The following ZNF451 variants were observed in gnomAD, a reference collection of about 807,000 sequenced individuals.
ZNF451 encodes zinc finger protein 451, also known as E3 SUMO-protein ligase ZNF451.
Under a neutral mutation model 107.1 loss-of-function variants are expected in ZNF451, and 80 were observed. The observed-to-expected ratio is 0.75, with a 90% CI of 0.62 to 0.90. ZNF451 has a LOEUF of 0.90. ZNF451 is among the 40% of genes least tolerant of loss of function. ZNF451 has a pLI of 0.00. For missense variants in ZNF451, 1,107 were observed against 1,236.2 expected, an observed-to-expected ratio of 0.90 and a Z score of 1.57; for synonymous variants, 362 against 406.5, an observed-to-expected ratio of 0.89 and a Z score of 1.32.
At chr6:57,108,815 C>T (rs1829987906) in intron 3 of ZNF451, 3 of 985,274 alleles carry the variant, frequency 3.0e-6, no homozygotes, top group South Asian at 4.7e-5. Flanking sequence ...TTGCAAGGCA[C>T]TCTTGAGAGA....
At chr6:57,121,611 A>G (rs546206342) in intron 3 of ZNF451, among the ~76,000 whole-genome samples, 1 of 152,324 alleles carries the variant, frequency 6.6e-6, no homozygotes, top group South Asian at 2.1e-4. Context: ...AACCAAATGT[A>G]GAATACAACC....
At chr6:57,138,694 G>A (rs1173945319) in intron 7 of ZNF451, among the ~76,000 whole-genome samples, 1 of 118,186 alleles carries the variant, frequency 8.5e-6, no homozygotes, top group Non-Finnish European at 1.7e-5. Flanking sequence ...GAATGTATTT[G>A]CAGCTATGCC....
At chr6:57,153,367 G>A (rs980048948) in intron 12 of ZNF451, among the ~76,000 whole-genome samples, 10 of 150,894 alleles carry the variant, frequency 6.6e-5, no homozygotes, top group African/African-American at 2.4e-4. Flanking sequence ...TTGATTAAAT[G>A]TGGGGTATTT....
rs1463930298 is a variant in ZNF451, at chr6:57,147,695, A to G, written c.1610A>G (p.Lys537Arg). The change falls in exon 10 of 15, where the codon AAA becomes AGA. Residue 537 changes from lysine (K) to arginine (R), a missense_variant. Physicochemically the swap from Lys to Arg is conservative, Grantham distance 26. Transcript: ENST00000370706. ...NNFLFWCRTC[K>R]KELTRKDTIM... ...TTTCTTTTCTGGTGTCGGACATGCA[A>G]AAAGGAGTTAACAAGGAAAGATACT... is the stretch of plus-strand genomic sequence containing the variant. 6.2e-7 allele frequency: 1 copy of G among 1,614,100 alleles called. No homozygotes were observed. Among genetic ancestry groups the G allele is most frequent in the South Asian group, 1.1e-5 (1 of 91,074 alleles).
chr6:57,105,695 G>A, intron 3 of ZNF451: 2 of 985,318 alleles, frequency 2.0e-6, no homozygotes, highest in Non-Finnish European at 2.4e-6. Flanking sequence ...CTATAGATAT[G>A]CTCTAGGTTT....
intron 10 of ZNF451, 172 bp from the exon 11 acceptor site, chr6:57,150,547 T>C: frequency 3.9e-6 from 2 of 515,948 alleles, no homozygotes; most frequent in Non-Finnish European, 6.4e-6. Flanking sequence ...CTGATTTAAG[T>C]GTAAATGGTG....
chr6:57,106,894 CTT>C, intron 3 of ZNF451: 1 of 954,772 alleles, frequency 1.0e-6, no homozygotes, highest in Non-Finnish European at 1.2e-6. Context: ...GAATGCAAAT[CTT>C]TTTATTATTT....
chr6:57,105,312 A>G (rs964031606), intron 3 of ZNF451: 3 of 981,942 alleles, frequency 3.1e-6, no homozygotes, highest in Admixed American at 6.1e-5. Flanking sequence ...TAGATATACA[A>G]TGTATATAGA....
chr6:57,129,390 A>G (rs1831078047), intron 5 of ZNF451, among the ~76,000 whole-genome samples: 1 of 152,176 alleles, frequency 6.6e-6, no homozygotes, highest in Non-Finnish European at 1.5e-5. Flanking sequence ...AATTTGGTGG[A>G]ATTTTTAAGA....
At position 57,141,341 on chromosome 6, in the gene ZNF451, C is replaced by T; in HGVS notation, c.742C>T (p.Gln248Ter). 2 of 1,612,546 alleles carry T rather than the reference C, an allele frequency of 1.2e-6. No homozygotes were observed. The highest frequency in any genetic ancestry group is 1.7e-6 in the Non-Finnish European group (2 of 1,179,226). ...DDGHNNNLLPQIIQCFACPNC... is the reference protein window; with the variant it reads ...DDGHNNNLLP ...TGGACATAACAACAACCTTCTTCCT[C>T]AGATTATTCAGTGTTTTGCATGTCC... Residue 248 changes from glutamine (Q) to a stop codon, truncating the protein, a stop_gained, in exon 8 of 15, where the codon CAG (glutamine) becomes TAG (stop). Coordinates refer to ENST00000370706, the MANE Select transcript of ZNF451 (RefSeq NM_001031623.3). LOFTEE classifies it high-confidence loss of function.
At chr6:57,101,163 G>C in intron 3 of ZNF451, 2 of 1,550,774 alleles carry the variant, frequency 1.3e-6, no homozygotes, top group Non-Finnish European at 1.7e-6. Flanking sequence ...ACAAAGGGCA[G>C]CCATCTGACC....
At chr6:57,124,896 A>G (rs1830855817) in intron 4 of ZNF451, 37 bp downstream of exon 4, 1 of 1,296,776 alleles carries the variant, frequency 7.7e-7, no homozygotes, top group Non-Finnish European at 1.0e-6. Context: ...ATATAATTAA[A>G]AAATTATTTA....
intron 3 of ZNF451, among the ~76,000 whole-genome samples, chr6:57,124,079 T>C (rs1830782916): frequency 6.6e-6 from 1 of 152,222 alleles, no homozygotes; most frequent in Non-Finnish European, 1.5e-5. Context: ...TTGTTCCTTA[T>C]CTTAGTGTGA....
rs750718545 is a variant in ZNF451 at position 57,153,868 on chromosome 6, G to A, written c.2891G>A (p.Arg964His). ...ADFAICMHAG[R>H]LDEQLPKQIP... ...CCATTTGTTCTAACTTAGGCTGGCCGTCTAGATGAACAACTACCCAAGCAA... is the reference window on the plus strand; with the variant it reads ...CCATTTGTTCTAACTTAGGCTGGCCATCTAGATGAACAACTACCCAAGCAA... The change falls in exon 13 of 15, where the codon CGT (arginine) becomes CAT (histidine). Residue 964 changes from arginine (R) to histidine (H), a missense_variant. Arg to His is a conservative substitution (Grantham distance 29, BLOSUM62 0). Around this residue, in one of 5 missense-constraint regions of ZNF451, gnomAD observed 151 missense variants for 173.3 expected, o/e 0.87. Coordinates refer to ENST00000370706, the MANE Select transcript of ZNF451 (RefSeq NM_001031623.3). 7 of 1,613,946 alleles carry A rather than the reference G, an allele frequency of 4.3e-6. No homozygotes were observed. In the Admixed American group the frequency reaches 5.0e-5, roughly 12 times the overall value.
At chr6:57,100,217 T>G (rs1203454873) in intron 3 of ZNF451, among the ~76,000 whole-genome samples, 1 of 152,216 alleles carries the variant, frequency 6.6e-6, no homozygotes, top group Non-Finnish European at 1.5e-5. Flanking sequence ...ATCATTAGCT[T>G]CTTGCATATC....
In ZNF451 at chr6:57,142,096, G is replaced by T. The variant is rs779709325; in HGVS notation, c.1004+1G>T. ...ACATGGAGCTCACTGCCCATTTCAG[G>T]TTTGTATTGGTCTGGAGCTGTAAAG... On this transcript the variant is annotated splice_donor_variant, in intron 9 of 14. Coordinates refer to ENST00000370706, the MANE Select transcript of ZNF451 (RefSeq NM_001031623.3). LOFTEE classifies it high-confidence loss of function. The T allele has an allele frequency of 6.2e-7, 1 of 1,610,328 alleles. No individual in the cohort carries two copies. The highest frequency in any genetic ancestry group is 1.7e-5 in the Admixed American group (1 of 59,964).
At chr6:57,100,996 C>G in intron 3 of ZNF451, 2 of 1,550,762 alleles carry the variant, frequency 1.3e-6, no homozygotes, top group Admixed American at 2.0e-5. Context: ...TGAAATGTCC[C>G]GAGTGATACG....
intron 2 of ZNF451, among the ~76,000 whole-genome samples, chr6:57,098,769 G>T (rs1201555575): frequency 2.0e-5 from 3 of 152,114 alleles, no homozygotes; most frequent in African/African-American, 7.2e-5. Context: ...TATAATATTT[G>T]TGTCTTTGTA....
At chr6:57,116,086 G>A (rs1457495493) in intron 3 of ZNF451, 1 of 152,066 alleles carries the variant, frequency 6.6e-6, no homozygotes, top group African/African-American at 2.4e-5. Context: ...TCAAGTTATG[G>A]GCTTTGTGGG....
Sources: allele counts gnomAD v4.1 joint callset (sites outside exome capture counted in the v4.1 genomes callset), GRCh38; gene constraint gnomAD v4.1.1; regional missense constraint gnomAD v4.1.1; transcripts MANE v1.5; gene names NCBI Gene and HGNC (gene_info 2026-07-23, HGNC 2026-07-21).